SOX6: variants seen among roughly 807,000 people sequenced by gnomAD.
SOX6 encodes the protein SRY-box transcription factor 6.
SOX6 carries 11 observed loss-of-function variants against 97.8 expected under a neutral mutation model. That is an observed-to-expected ratio of 0.11 (90% CI 0.07 to 0.19). SOX6 has a LOEUF of 0.19. Ranked by LOEUF, SOX6 falls within the 10% of genes least tolerant of loss-of-function variation. The pLI is 1.00. For synonymous variants in SOX6, 360 were observed against 371.4 expected, an observed-to-expected ratio of 0.97 and a Z score of 0.35; for missense variants, 810 against 1,039.5, an observed-to-expected ratio of 0.78 and a Z score of 3.04.
chr11:16,716,585 A>G (rs1241717260), intron 2 of SOX6, among the ~76,000 whole-genome samples: 3 of 152,186 alleles, frequency 2.0e-5, no homozygotes, highest in Non-Finnish European at 2.9e-5. Flanking sequence ...TCTACTCCTA[A>G]GCATATCCCC....
At chr11:16,522,928 T>C (rs1317871213) in intron 4 of SOX6, among the ~76,000 whole-genome samples, 1 of 152,140 alleles carries the variant, frequency 6.6e-6, no homozygotes, top group East Asian at 1.9e-4. Context: ...CAAGAAGAGC[T>C]AACTATCCTA....
chr11:16,530,587 T>C (rs1342970531), intron 4 of SOX6, among the ~76,000 whole-genome samples: 1 of 151,982 alleles, frequency 6.6e-6, no homozygotes, highest in Non-Finnish European at 1.5e-5. Flanking sequence ...TAAATTTCTC[T>C]AAACGTATGA....
At chr11:16,339,787 A>G (rs1666640317) in intron 2 of SOX6, among the ~76,000 whole-genome samples, 1 of 152,074 alleles carries the variant, frequency 6.6e-6, no homozygotes, top group South Asian at 2.1e-4. Flanking sequence ...ACATCGCTCC[A>G]TTATCTTGCC....
chr11:16,447,406 G>C (rs774053536), intron 1 of SOX6, among the ~76,000 whole-genome samples: 47 of 151,520 alleles, frequency 3.1e-4, no homozygotes, highest in Non-Finnish European at 6.0e-4. Context: ...TAATTATGAG[G>C]ATTAAGTGAG....
chr11:16,017,563 A>G (rs1330257750), intron 12 of SOX6, among the ~76,000 whole-genome samples: 2 of 152,100 alleles, frequency 1.3e-5, no homozygotes, highest in African/African-American at 4.8e-5. Flanking sequence ...TTTGCCAGCC[A>G]CATAACCATA....
rs1853221460 is a variant in SOX6, at chr11:15,969,001, T to C, written c.*3808A>G. ...CGGCTCGTATCCGCAAAGCGACCTT[T>C]TTTTTCTCTCTCCCTTCCTACTTTT... On this transcript the variant is annotated 3_prime_UTR_variant, in exon 16 of 16. Transcript: ENST00000683767. 1 of 152,128 alleles carries C rather than the reference T, an allele frequency of 6.6e-6. No homozygotes were observed. The highest frequency in any genetic ancestry group is 1.9e-4 in the East Asian group (1 of 5,192). The allele number at this position is 152,128 out of a possible 1,614,324, so 9.4% of individuals were successfully genotyped here.
At chr11:16,381,899 G>C (rs1857833234) in intron 1 of SOX6, among the ~76,000 whole-genome samples, 1 of 151,768 alleles carries the variant, frequency 6.6e-6, no homozygotes, top group South Asian at 2.1e-4. Context: ...GTGACACTAA[G>C]TTGTAAGCTA....
chr11:16,499,371 T>G (rs930823365), intron 4 of SOX6, among the ~76,000 whole-genome samples: 1 of 151,746 alleles, frequency 6.6e-6, no homozygotes, highest in Non-Finnish European at 1.5e-5. Flanking sequence ...GATCTAAAAT[T>G]AACACCCTAA....
intron 1 of SOX6, among the ~76,000 whole-genome samples, chr11:16,460,554 T>G (rs964174303): frequency 6.6e-6 from 1 of 152,136 alleles, no homozygotes; most frequent in African/African-American, 2.4e-5. Flanking sequence ...TTTATTTCAA[T>G]AAGTCTTTTC....
intron 13 of SOX6, among the ~76,000 whole-genome samples, chr11:15,992,386 C>T (rs1339404459): frequency 6.6e-6 from 1 of 152,202 alleles, no homozygotes; most frequent in Non-Finnish European, 1.5e-5. Flanking sequence ...ATGCCCAGAT[C>T]CCTTTGCAAA....
chr11:16,701,953 G>A (rs1056821774), intron 3 of SOX6, among the ~76,000 whole-genome samples: 4 of 152,116 alleles, frequency 2.6e-5, no homozygotes, highest in Non-Finnish European at 5.9e-5. Flanking sequence ...TGCATTTGGA[G>A]AATGAAGATG....
intron 1 of SOX6, among the ~76,000 whole-genome samples, chr11:16,456,122 T>C (rs1421983037): frequency 1.3e-5 from 2 of 152,166 alleles, no homozygotes; most frequent in Non-Finnish European, 2.9e-5. Context: ...GAACCTTGTA[T>C]GTCTTAGAGG....
intron 4 of SOX6, among the ~76,000 whole-genome samples, chr11:16,514,268 G>T (rs1860927478): frequency 6.7e-6 from 1 of 150,182 alleles, no homozygotes; most frequent in South Asian, 2.1e-4. Flanking sequence ...TGTACATATT[G>T]TTACATGTTC....
intron 4 of SOX6, among the ~76,000 whole-genome samples, chr11:16,500,733 C>T (rs1860691954): frequency 6.6e-6 from 1 of 152,144 alleles, no homozygotes; most frequent in African/African-American, 2.4e-5. Flanking sequence ...AATGAAATAT[C>T]TAGGAATCCA....
intron 6 of SOX6, among the ~76,000 whole-genome samples, chr11:16,167,966 G>A (rs1850929188): frequency 6.6e-6 from 1 of 152,188 alleles, no homozygotes; most frequent in East Asian, 1.9e-4. Context: ...AAAGACCAAA[G>A]GAGTATCAGA....
intron 3 of SOX6, among the ~76,000 whole-genome samples, chr11:16,275,256 A>G (rs187188182): frequency 2.0e-5 from 3 of 149,688 alleles, no homozygotes; most frequent in African/African-American, 4.9e-5. Context: ...CCTGGCTAAC[A>G]TGGTGAAACT....
At position 16,684,605 on chromosome 11, in the gene SOX6, T is replaced by G. The variant is rs149098036; in HGVS notation, n.429+30225A>C. 7.9e-4 allele frequency among the ~76,000 whole-genome samples: 120 copies of G among 151,618 alleles called. 2 individuals carry two copies. The highest frequency in any genetic ancestry group is 2.9e-3 in the African/African-American group (119 of 41,300). ...GCGGGGTGGGGGGCTGGGGGAGGGATAGCATTAGGAGAAATTCCTAATGTA... is the reference window on the plus strand; with the variant it reads ...GCGGGGTGGGGGGCTGGGGGAGGGAGAGCATTAGGAGAAATTCCTAATGTA... On this transcript the variant is annotated intron_variant and non_coding_transcript_variant, in intron 3 of 5. Coordinates refer to the SOX6 transcript ENST00000524520.
chr11:16,380,954 G>A (rs963424335), intron 1 of SOX6, among the ~76,000 whole-genome samples: 1 of 152,008 alleles, frequency 6.6e-6, no homozygotes, highest in Non-Finnish European at 1.5e-5. Context: ...ATATGATCTT[G>A]AGCAAGCCAA....
At chr11:16,639,142 G>C (rs1848847876) in intron 3 of SOX6, among the ~76,000 whole-genome samples, 1 of 152,174 alleles carries the variant, frequency 6.6e-6, no homozygotes. Context: ...TGGCTAGCCA[G>C]TTTTCCCAGC....
Sources: gnomAD v4.1 joint callset for allele counts (sites outside exome capture counted in the v4.1 genomes callset) on GRCh38, gnomAD v4.1.1 for gene constraint, MANE v1.5 for transcripts, NCBI Gene and HGNC (gene_info 2026-07-23, HGNC 2026-07-21) for gene names.